The following ADAMTS17 variants were observed in gnomAD, a reference collection of about 807,000 sequenced individuals.
The protein encoded by ADAMTS17 is ADAM metallopeptidase with thrombospondin type 1 motif 17, also known as A disintegrin and metalloproteinase with thrombospondin motifs 17.
In ADAMTS17, 113 loss-of-function variants were observed where a neutral mutation model predicts 141.5. That is an observed-to-expected ratio of 0.80 (90% confidence interval 0.69 to 0.93). The LOEUF (loss-of-function observed/expected upper bound fraction) is 0.93. Among genes scored for constraint, ADAMTS17 ranks in the 40% least tolerant of loss-of-function variants. The pLI is 0.00. For missense variants in ADAMTS17, 1,659 were observed against 1,517.9 expected, an observed-to-expected ratio of 1.09 and a Z score of -1.54; for synonymous variants, 768 against 630.6, an observed-to-expected ratio of 1.22 and a Z score of -3.27.
intron 3 of ADAMTS17, among the ~76,000 whole-genome samples, chr15:100,308,008 C>T (rs1017641835): frequency 6.6e-6 from 1 of 152,240 alleles, no homozygotes; most frequent in African/African-American, 2.4e-5. Context: ...CTGCCAAAAA[C>T]GTCTCCACTT....
intron 15 of ADAMTS17, among the ~76,000 whole-genome samples, chr15:100,075,236 C>G (rs1367810822): frequency 1.3e-5 from 2 of 152,156 alleles, no homozygotes; most frequent in East Asian, 3.8e-4. Flanking sequence ...ACTTTTTACT[C>G]TCTAAGGTAA....
intron 8 of ADAMTS17, among the ~76,000 whole-genome samples, chr15:100,186,744 T>C (rs1236205903): frequency 6.6e-6 from 1 of 152,240 alleles, no homozygotes; most frequent in Admixed American, 6.5e-5. Context: ...CTGAGAGTTT[T>C]GCAGAAACCT....
intron 15 of ADAMTS17, among the ~76,000 whole-genome samples, chr15:100,082,826 C>T (rs1239491975): frequency 2.1e-5 from 3 of 140,702 alleles, no homozygotes; most frequent in Non-Finnish European, 4.5e-5. Flanking sequence ...GACTCTCCTT[C>T]AAGAACCAGG....
At chr15:100,130,020 T>C (rs1367400753) in intron 12 of ADAMTS17, among the ~76,000 whole-genome samples, 3 of 152,186 alleles carry the variant, frequency 2.0e-5, no homozygotes, top group Non-Finnish European at 2.9e-5. Context: ...TTTCCCACCA[T>C]TTAGCTAAAC....
intron 8 of ADAMTS17, among the ~76,000 whole-genome samples, chr15:100,166,546 T>G (rs1481997872): frequency 6.6e-6 from 1 of 152,220 alleles, no homozygotes; most frequent in East Asian, 1.9e-4. Flanking sequence ...CTGATGAGGT[T>G]AAGGAAGGTT....
intron 9 of ADAMTS17, 121 bp from the exon 10 acceptor site, chr15:100,152,883 GA>G: frequency 6.6e-6 from 7 of 1,067,490 alleles, no homozygotes; most frequent in Admixed American, 3.5e-5. Flanking sequence ...GTTCCTTATG[GA>G]AAAAGGACGC....
intron 10 of ADAMTS17, among the ~76,000 whole-genome samples, chr15:100,134,297 C>T (rs550669484): frequency 1.3e-5 from 2 of 152,252 alleles, no homozygotes; most frequent in African/African-American, 2.4e-5. Context: ...CCCTCACCCC[C>T]TCACAGTGCT....
At chr15:100,129,288 C>G (rs1284662454) in intron 12 of ADAMTS17, 1 of 152,256 alleles carries the variant, frequency 6.6e-6, no homozygotes, top group African/African-American at 2.4e-5. Flanking sequence ...TTAACAAAGC[C>G]TTAGACAGGG....
intron 15 of ADAMTS17, among the ~76,000 whole-genome samples, chr15:100,093,491 G>A (rs2035587729): frequency 6.6e-6 from 1 of 152,106 alleles, no homozygotes; most frequent in African/African-American, 2.4e-5. Context: ...TGATAGGCCT[G>A]GTGAATCCAC....
At chr15:100,061,184 A>G (rs1041427028) in intron 15 of ADAMTS17, among the ~76,000 whole-genome samples, 11 of 152,230 alleles carry the variant, frequency 7.2e-5, no homozygotes, top group African/African-American at 1.9e-4. Flanking sequence ...GTGTTCTCCA[A>G]TGAAAAGTCT....
chr15:100,297,407 C>G (rs1009323805), intron 3 of ADAMTS17, among the ~76,000 whole-genome samples: 2 of 152,106 alleles, frequency 1.3e-5, no homozygotes, highest in Non-Finnish European at 2.9e-5. Context: ...CCAGGGCACA[C>G]TGGTTGGATA....
At chr15:100,038,365 C>T (rs1197330944) in intron 18 of ADAMTS17, among the ~76,000 whole-genome samples, 1 of 152,152 alleles carries the variant, frequency 6.6e-6, no homozygotes, top group African/African-American at 2.4e-5. Context: ...TTTGCAATTC[C>T]ATATGAATTT....
intron 8 of ADAMTS17, among the ~76,000 whole-genome samples, chr15:100,197,636 T>G (rs1281342632): frequency 6.6e-6 from 1 of 152,200 alleles, no homozygotes; most frequent in African/African-American, 2.4e-5. Context: ...AGACAACTTC[T>G]CATCTTGCTT....
At chr15:100,312,182 G>C (rs1353089770) in intron 3 of ADAMTS17, among the ~76,000 whole-genome samples, 2 of 152,252 alleles carry the variant, frequency 1.3e-5, no homozygotes, top group African/African-American at 2.4e-5. Context: ...AAGGTTTTGA[G>C]ATGCACACGT....
At chr15:100,306,431 C>T (rs1473077830) in intron 3 of ADAMTS17, 6 of 455,012 alleles carry the variant, frequency 1.3e-5, no homozygotes, top group Admixed American at 2.4e-5. Context: ...GGACGCCAAG[C>T]TGCAGAGGCC....
At position 100,272,538 on chromosome 15, in the gene ADAMTS17, C is replaced by T. The variant is rs1300376259; in HGVS notation, c.789+8691G>A. Among the ~76,000 whole-genome samples the T allele has an allele frequency of 3.4e-5, 5 of 145,954 alleles. 1 individual carries two copies. Among genetic ancestry groups the T allele is most frequent in the African/African-American group, 7.7e-5 (3 of 39,204 alleles). ...ACTGATTTTTGTGGTTGGTTTAGTA[C>T]GTGGCTACTTTGCAAAGAATTTATT... On this transcript the variant is annotated intron_variant, in intron 4 of 21. Coordinates refer to ENST00000268070, the MANE Select transcript of ADAMTS17 (RefSeq NM_139057.4).
At chr15:100,293,180 G>A (rs1432192856) in intron 3 of ADAMTS17, among the ~76,000 whole-genome samples, 1 of 152,202 alleles carries the variant, frequency 6.6e-6, no homozygotes, top group South Asian at 2.1e-4. Context: ...ACCCAGAAGA[G>A]GGGCCAAGAA....
chr15:100,326,478 T>C (rs1448922896), intron 3 of ADAMTS17, among the ~76,000 whole-genome samples: 2 of 152,198 alleles, frequency 1.3e-5, no homozygotes, highest in Admixed American at 6.5e-5. Flanking sequence ...ACAGGTGGAA[T>C]GAGGAGCTCA....
At chr15:100,074,378 C>T (rs2034217915) in intron 15 of ADAMTS17, among the ~76,000 whole-genome samples, 1 of 146,654 alleles carries the variant, frequency 6.8e-6, no homozygotes, top group Non-Finnish European at 1.5e-5. Context: ...ATATTTTATG[C>T]ATAATATAAT....
Sources: gnomAD v4.1 joint callset for allele counts (sites outside exome capture counted in the v4.1 genomes callset) on GRCh38, gnomAD v4.1.1 for gene constraint, MANE v1.5 for transcripts, NCBI Gene and HGNC (gene_info 2026-07-23, HGNC 2026-07-21) for gene names.